The following PDE7B variants were observed in gnomAD, a reference collection of about 807,000 sequenced individuals.
PDE7B encodes 3',5'-cyclic-AMP phosphodiesterase 7B.
PDE7B carries 29 observed loss-of-function variants against 56.2 expected under a neutral mutation model. The ratio of observed to expected loss-of-function variants is 0.52; its 90% CI spans 0.38 to 0.70. The LOEUF (loss-of-function observed/expected upper bound fraction) is 0.70. Among genes scored for constraint, PDE7B ranks in the 30% least tolerant of loss-of-function variants. PDE7B has a pLI of 0.00. For missense variants in PDE7B, 490 were observed against 565.0 expected, an observed-to-expected ratio of 0.87 and a Z score of 1.35; for synonymous variants, 197 against 196.9, an observed-to-expected ratio of 1.00 and a Z score of 0.00.
intron 6 of PDE7B, among the ~76,000 whole-genome samples, chr6:136,153,116 T>G (rs1269220487): frequency 6.6e-6 from 1 of 152,214 alleles, no homozygotes; most frequent in East Asian, 1.9e-4. Flanking sequence ...AACCTCAAGC[T>G]GATTGTATTT....
chr6:136,181,109 A>G, intron 10 of PDE7B, 118 bp from the exon 11 acceptor site: 1 of 720,794 alleles, frequency 1.4e-6, no homozygotes, highest in South Asian at 1.6e-5. Context: ...GGTACTCTGT[A>G]AATATGGGCC....
Position 136,155,767 on chromosome 6 carries a change from G to A in PDE7B, c.711+9G>A, listed in dbSNP as rs752264927. On this transcript the variant is annotated intron_variant, in intron 8 of 12. Transcript: ENST00000308191. ...TTGCAAACCTATATCAGGTAAGGGA[G>A]CCCAACCTGGAGCCAGCCACAGTAT... 1.9e-5 allele frequency: 30 copies of A among 1,613,718 alleles called. No individual in the cohort carries two copies. In the South Asian group the frequency reaches 3.2e-4, roughly 17 times the overall value.
chr6:136,151,036 C>A, intron 5 of PDE7B, 124 bp from the exon 6 acceptor site: 1 of 562,376 alleles, frequency 1.8e-6, no homozygotes, highest in East Asian at 2.9e-5. Context: ...AATAATTTCA[C>A]TTCTAAAGGG....
At chr6:135,870,145 G>C (rs1215557556) in intron 1 of PDE7B, among the ~76,000 whole-genome samples, 1 of 152,158 alleles carries the variant, frequency 6.6e-6, no homozygotes, top group African/African-American at 2.4e-5. Context: ...GATGGGAGAT[G>C]ACGATGGCCC....
intron 2 of PDE7B, among the ~76,000 whole-genome samples, chr6:136,106,348 A>G (rs529011176): frequency 6.6e-6 from 1 of 152,110 alleles, no homozygotes; most frequent in South Asian, 2.1e-4. Context: ...TAAGATTTTC[A>G]TTTCTTTTTT....
intron 1 of PDE7B, among the ~76,000 whole-genome samples, chr6:135,896,185 C>T (rs563472982): frequency 6.6e-6 from 1 of 152,114 alleles, no homozygotes; most frequent in East Asian, 1.9e-4. Context: ...AGCCTATTCT[C>T]CTTGTGCTGA....
At chr6:136,187,636 C>T (rs1329250381) in intron 12 of PDE7B, among the ~76,000 whole-genome samples, 1 of 152,178 alleles carries the variant, frequency 6.6e-6, no homozygotes, top group African/African-American at 2.4e-5. Context: ...AGGTTATTCT[C>T]CTAAAACCAC....
At chr6:136,020,383 A>G (rs1043106986) in intron 2 of PDE7B, among the ~76,000 whole-genome samples, 1 of 152,226 alleles carries the variant, frequency 6.6e-6, no homozygotes, top group Non-Finnish European at 1.5e-5. Flanking sequence ...CTTTTTATAT[A>G]TGTGTGTATC....
chr6:136,191,097 T>C (rs1779217344), intron 12 of PDE7B, among the ~76,000 whole-genome samples: 2 of 150,662 alleles, frequency 1.3e-5, no homozygotes, highest in African/African-American at 4.9e-5. Flanking sequence ...GTTTACTATG[T>C]GCCAAGAGTT....
intron 2 of PDE7B, among the ~76,000 whole-genome samples, chr6:136,053,386 A>T (rs886185832): frequency 3.3e-5 from 5 of 151,736 alleles, no homozygotes; most frequent in Non-Finnish European, 7.4e-5. Flanking sequence ...AAGGACATGA[A>T]CTCATCATTT....
intron 1 of PDE7B, among the ~76,000 whole-genome samples, chr6:135,915,043 A>G (rs567719570): frequency 6.6e-6 from 1 of 151,870 alleles, no homozygotes; most frequent in East Asian, 2.0e-4. Flanking sequence ...CAGTGAGCCA[A>G]TATTGTACTA....
At chr6:135,925,286 T>C (rs1774164273) in intron 1 of PDE7B, among the ~76,000 whole-genome samples, 1 of 152,158 alleles carries the variant, frequency 6.6e-6, no homozygotes, top group South Asian at 2.1e-4. Flanking sequence ...GGGAATGTTA[T>C]AACATTATAA....
chr6:135,862,489 C>G (rs766667621), intron 1 of PDE7B, among the ~76,000 whole-genome samples: 4 of 151,634 alleles, frequency 2.6e-5, no homozygotes, highest in Non-Finnish European at 5.9e-5. Context: ...TAAAATTATC[C>G]TTTTTTGTTA....
At chr6:136,106,318 A>G (rs563283689) in intron 2 of PDE7B, among the ~76,000 whole-genome samples, 18 of 152,320 alleles carry the variant, frequency 1.2e-4, no homozygotes, top group African/African-American at 4.1e-4. Flanking sequence ...TAAAACTACA[A>G]CTACTTTTAT....
At chr6:136,128,570 G>A (rs1400687021) in intron 3 of PDE7B, among the ~76,000 whole-genome samples, 2 of 151,720 alleles carry the variant, frequency 1.3e-5, no homozygotes, top group Non-Finnish European at 2.9e-5. Context: ...CCCACCCCTG[G>A]GCAAAATTAC....
chr6:135,878,782 T>C (rs1473604735), intron 1 of PDE7B, among the ~76,000 whole-genome samples: 2 of 152,228 alleles, frequency 1.3e-5, no homozygotes, highest in African/African-American at 4.8e-5. Flanking sequence ...TCTTTGATGA[T>C]GTGATGAGTC....
intron 8 of PDE7B, among the ~76,000 whole-genome samples, chr6:136,171,477 C>T (rs1404912440): frequency 6.6e-6 from 1 of 152,086 alleles, no homozygotes; most frequent in African/African-American, 2.4e-5. Flanking sequence ...GTGGTTTGGG[C>T]TTAGGAGGTT....
intron 8 of PDE7B, among the ~76,000 whole-genome samples, chr6:136,169,503 C>G (rs1426851480): frequency 6.6e-6 from 1 of 152,172 alleles, no homozygotes; most frequent in Non-Finnish European, 1.5e-5. Context: ...TTAAGTCAGG[C>G]TGGCATACAT....
intron 2 of PDE7B, among the ~76,000 whole-genome samples, chr6:135,967,301 A>G (rs1464782949): frequency 6.6e-6 from 1 of 152,150 alleles, no homozygotes; most frequent in Non-Finnish European, 1.5e-5. Context: ...CTTTAACTGC[A>G]TTGCTTATGA....
Sources: gnomAD v4.1 joint callset for allele counts (sites outside exome capture counted in the v4.1 genomes callset) on GRCh38, gnomAD v4.1.1 for gene constraint, MANE v1.5 for transcripts, NCBI Gene and HGNC (gene_info 2026-07-23, HGNC 2026-07-21) for gene names.